The following TYW1B variants were observed in gnomAD, a reference collection of about 807,000 sequenced individuals.
TYW1B encodes the protein S-adenosyl-L-methionine-dependent tRNA 4-demethylwyosine synthase TYW1B.
TYW1B carries 73 observed loss-of-function variants against 86.9 expected under a neutral mutation model. The ratio of observed to expected loss-of-function variants is 0.84; its 90% CI spans 0.70 to 1.02. The LOEUF is 1.02. Among genes scored for constraint, TYW1B ranks in the 50% least tolerant of loss-of-function variants. TYW1B has a pLI of 0.00. For missense variants in TYW1B, 637 were observed against 827.4 expected (o/e 0.77, Z 2.82); for synonymous variants, 248 against 292.8 (o/e 0.85, Z 1.56).
chr7:72,646,659 C>T (rs1812939261), intron 11 of TYW1B, among the ~76,000 whole-genome samples: 3 of 152,170 alleles, frequency 2.0e-5, no homozygotes, highest in South Asian at 2.1e-4. Context: ...CAGGTGTGAG[C>T]CACCACGCCT....
chr7:72,767,239 T>C (rs1448504627), intron 7 of TYW1B, among the ~76,000 whole-genome samples: 2 of 152,182 alleles, frequency 1.3e-5, no homozygotes, highest in African/African-American at 2.4e-5. Context: ...CCGTCACCCC[T>C]GTTATTGATC....
In TYW1B at chr7:72,632,448, A is replaced by AT. The variant is rs1379165135; in HGVS notation, c.1507-3452_1507-3451insA. 2.3e-4 allele frequency among the ~76,000 whole-genome samples: 21 copies of AT among 92,594 alleles called. 1 individual carries two copies. The highest frequency in any genetic ancestry group is 1.1e-3 in the African/African-American group (20 of 18,598). The allele number at this position is 92,594 out of a possible 152,430, so 60.7% of individuals were successfully genotyped here. On this transcript the variant is annotated intron_variant, in intron 11 of 13. Coordinates refer to ENST00000620995, the MANE Select transcript of TYW1B (RefSeq NM_001145440.3). ...AAAATATATATATACGTATATATAT[A>AT]AAATATATATATACATATATATATA...
At chr7:72,632,305 A>G (rs1367992864) in intron 11 of TYW1B, among the ~76,000 whole-genome samples, 51 of 92,694 alleles carry the variant, frequency 5.5e-4, no homozygotes, top group Non-Finnish European at 7.9e-4. Flanking sequence ...ATATACGTGT[A>G]TATATATTAT....
chr7:72,629,722 A>T (rs1193604704), intron 11 of TYW1B, among the ~76,000 whole-genome samples: 1 of 151,986 alleles, frequency 6.6e-6, no homozygotes, highest in Admixed American at 6.6e-5. Flanking sequence ...AAGTTTAAAA[A>T]TTTTTTTAGA....
intron 10 of TYW1B, among the ~76,000 whole-genome samples, chr7:72,712,028 T>G (rs1202768374): frequency 1.3e-5 from 2 of 152,030 alleles, no homozygotes; most frequent in African/African-American, 4.8e-5. Flanking sequence ...ATAATAGTTT[T>G]GGTGTTACAG....
At chr7:72,752,269 T>TTA (rs1554465214) in intron 7 of TYW1B, among the ~76,000 whole-genome samples, 1 of 152,074 alleles carries the variant, frequency 6.6e-6, no homozygotes, top group Non-Finnish European at 1.5e-5. Flanking sequence ...TCTCTCTAAT[T>TTA]AATATACAGT....
At chr7:72,703,131 A>C (rs797034175) in intron 10 of TYW1B, among the ~76,000 whole-genome samples, 1 of 146,404 alleles carries the variant, frequency 6.8e-6, no homozygotes, top group Non-Finnish European at 1.5e-5. Context: ...TTCCCGCCAT[A>C]CTCCTGCCTC....
intron 13 of TYW1B, among the ~76,000 whole-genome samples, chr7:72,594,846 G>A: frequency 6.6e-6 from 1 of 152,164 alleles, no homozygotes; most frequent in East Asian, 1.9e-4. Flanking sequence ...ATGGATCCAT[G>A]TAATATACCA....
At chr7:72,738,871 G>A (rs1787248476) in intron 8 of TYW1B, among the ~76,000 whole-genome samples, 1 of 151,862 alleles carries the variant, frequency 6.6e-6, no homozygotes, top group Non-Finnish European at 1.5e-5. Flanking sequence ...AAGAGTTCGA[G>A]ACCAGCTTGA....
intron 6 of TYW1B, among the ~76,000 whole-genome samples, chr7:72,787,337 C>T (rs1788145960): frequency 1.3e-5 from 2 of 152,066 alleles, no homozygotes; most frequent in South Asian, 4.2e-4. Flanking sequence ...GTAGCACATG[C>T]CTGTAATCCT....
intron 9 of TYW1B, among the ~76,000 whole-genome samples, chr7:72,724,101 G>GA (rs1786955434): frequency 6.6e-6 from 1 of 151,650 alleles, no homozygotes; most frequent in Admixed American, 6.6e-5. Context: ...TTAGAACACA[G>GA]AAAAAAGCAT....
intron 13 of TYW1B, among the ~76,000 whole-genome samples, chr7:72,580,546 G>T (rs1554429455): frequency 2.6e-5 from 4 of 152,116 alleles, no homozygotes; most frequent in Non-Finnish European, 5.9e-5. Context: ...GCTGCTAAGG[G>T]TCTGTGGCCT....
At chr7:72,794,133 T>C (rs1286487800) in intron 6 of TYW1B, among the ~76,000 whole-genome samples, 2 of 152,186 alleles carry the variant, frequency 1.3e-5, no homozygotes, top group African/African-American at 4.8e-5. Flanking sequence ...CGTGTTCCCC[T>C]GACAGCAGGA....
intron 10 of TYW1B, among the ~76,000 whole-genome samples, chr7:72,712,405 C>T (rs1213953627): frequency 6.6e-6 from 1 of 152,168 alleles, no homozygotes; most frequent in South Asian, 2.1e-4. Flanking sequence ...CTCGGCTCAC[C>T]GAAACCTCCG....
chr7:72,781,431 T>C (rs782463425), intron 6 of TYW1B, among the ~76,000 whole-genome samples: 4 of 152,144 alleles, frequency 2.6e-5, no homozygotes, highest in Non-Finnish European at 5.9e-5. Flanking sequence ...TATTGCCTCA[T>C]GGTAATCCCT....
At chr7:72,599,156 A>G (rs1199075545) in intron 13 of TYW1B, among the ~76,000 whole-genome samples, 3 of 152,254 alleles carry the variant, frequency 2.0e-5, no homozygotes, top group Non-Finnish European at 4.4e-5. Flanking sequence ...AGCAAATCAA[A>G]TCCAACAATG....
chr7:72,577,715 C>G (rs1811055426), intron 13 of TYW1B, among the ~76,000 whole-genome samples: 1 of 152,286 alleles, frequency 6.6e-6, no homozygotes, highest in Non-Finnish European at 1.5e-5. Flanking sequence ...CAACTTCACA[C>G]AGACGGCCTG....
At chr7:72,810,349 C>T in intron 4 of TYW1B, 122 bp downstream of exon 4, 1 of 984,412 alleles carries the variant, frequency 1.0e-6, no homozygotes, top group Admixed American at 2.9e-5. Context: ...GATTATTTCA[C>T]ATACATGTGT....
intron 12 of TYW1B, among the ~76,000 whole-genome samples, chr7:72,625,100 C>T (rs1431898632): frequency 1.4e-4 from 21 of 151,860 alleles, no homozygotes; most frequent in Non-Finnish European, 1.5e-5. Context: ...TACATTTCTC[C>T]AAGAGTTTTC....
Sources: allele counts gnomAD v4.1 joint callset (sites outside exome capture counted in the v4.1 genomes callset), GRCh38; gene constraint gnomAD v4.1.1; transcripts MANE v1.5; gene names NCBI Gene and HGNC (gene_info 2026-07-23, HGNC 2026-07-21).